Variants in HTR2A observed in about 807,000 individuals in gnomAD.
The protein encoded by HTR2A is 5-hydroxytryptamine receptor 2A.
A neutral mutation model predicts 31.0 loss-of-function variants in HTR2A; 14 were observed. That is an observed-to-expected ratio of 0.45 (90% CI 0.30 to 0.71). HTR2A has a LOEUF of 0.71. Ranked by LOEUF, HTR2A falls within the 30% of genes least tolerant of loss-of-function variation. The pLI, the probability that HTR2A is intolerant of heterozygous loss-of-function variation, is 0.09. For missense variants in HTR2A, 442 were observed against 573.3 expected, an observed-to-expected ratio of 0.77 and a Z score of 2.34; for synonymous variants, 209 against 225.2, an observed-to-expected ratio of 0.93 and a Z score of 0.64.
chr13:46,849,065 C>A (rs948937882), intron 3 of HTR2A, among the ~76,000 whole-genome samples: 8 of 152,246 alleles, frequency 5.3e-5, no homozygotes, highest in Admixed American at 2.6e-4. Context: ...GCATCCCTAA[C>A]CTTACACCGT....
At chr13:46,856,527 T>C (rs1950739075) in intron 3 of HTR2A, among the ~76,000 whole-genome samples, 1 of 151,950 alleles carries the variant, frequency 6.6e-6, no homozygotes, top group Admixed American at 6.6e-5. Flanking sequence ...AAGTCTTGGG[T>C]ATACCTTAAA....
intron 3 of HTR2A, among the ~76,000 whole-genome samples, chr13:46,859,868 C>T (rs1426417270): frequency 6.6e-6 from 1 of 152,178 alleles, no homozygotes; most frequent in Admixed American, 6.5e-5. Flanking sequence ...TGAGTATAGC[C>T]AGTGGCAGCT....
At chr13:46,851,762 C>T (rs763579416) in intron 3 of HTR2A, among the ~76,000 whole-genome samples, 5 of 152,194 alleles carry the variant, frequency 3.3e-5, no homozygotes, top group Non-Finnish European at 7.3e-5. Context: ...TTAGCTCTAG[C>T]CTGCTAAATG....
At position 46,895,730 on chromosome 13, in the gene HTR2A, C is replaced by G. The variant is rs566620377; in HGVS notation, c.177G>C (p.Gly59=). The G allele has an allele frequency of 1.4e-5, 22 of 1,614,110 alleles. No individual in the cohort carries two copies. The highest frequency in any genetic ancestry group is 1.9e-5 in the Non-Finnish European group (22 of 1,180,006). ...SENRTNLSCE[G]CLSPSCLSLL... ...AGGAGAGACACGACGGTGAGAGGCACCCTTCACAGGAAAGGTTGGTTCGAT... is the reference window on the plus strand; with the variant it reads ...AGGAGAGACACGACGGTGAGAGGCAGCCTTCACAGGAAAGGTTGGTTCGAT... The change falls in exon 2 of 4, where the codon GGG becomes GGC. Residue 59 remains glycine (G), a synonymous_variant. Transcript: ENST00000542664. This position sits in a 1 kb window ranked among gnomAD's most constrained non-coding sequence, Gnocchi z 4.4.
Position 46,852,452 on chromosome 13 carries a change from C to T in HTR2A, c.614-16813G>A, listed in dbSNP as rs562848599. Among the ~76,000 whole-genome samples, 25 of 152,352 alleles carry T rather than the reference C, an allele frequency of 1.6e-4. No homozygotes were observed. In the South Asian group the frequency reaches 4.1e-3, roughly 25 times the overall value. Reference sequence around the variant, plus strand: ...ACAGAGTGCTACCCTCTTCCCACTGCGGTAACAGCCTTGCCTTAGCCCCTG... The same window carrying T: ...ACAGAGTGCTACCCTCTTCCCACTGTGGTAACAGCCTTGCCTTAGCCCCTG... On this transcript the variant is annotated intron_variant, in intron 3 of 3. Coordinates refer to ENST00000542664, the MANE Select transcript of HTR2A (RefSeq NM_000621.5).
chr13:46,851,217 C>G (rs1950682604), intron 3 of HTR2A, among the ~76,000 whole-genome samples: 1 of 152,124 alleles, frequency 6.6e-6, no homozygotes, highest in East Asian at 1.9e-4. Context: ...CTTCATAGTT[C>G]TATTTCTTCT....
intron 3 of HTR2A, among the ~76,000 whole-genome samples, chr13:46,872,504 T>A (rs944339694): frequency 3.3e-5 from 5 of 152,216 alleles, no homozygotes; most frequent in Non-Finnish European, 7.3e-5. Context: ...ATCAATTATA[T>A]ACTATTTTAT....
chr13:46,862,383 CTG>C (rs1477428378), intron 3 of HTR2A, among the ~76,000 whole-genome samples: 1 of 152,148 alleles, frequency 6.6e-6, no homozygotes, highest in Non-Finnish European at 1.5e-5. Context: ...AAGGTAAGAA[CTG>C]TGTAACATAT....
intron 3 of HTR2A, among the ~76,000 whole-genome samples, chr13:46,865,289 AG>A (rs1325773423): frequency 6.6e-6 from 1 of 151,610 alleles, no homozygotes; most frequent in Non-Finnish European, 1.5e-5. Context: ...GTCATGTGTC[AG>A]CTAGCTGAGA....
intron 3 of HTR2A, among the ~76,000 whole-genome samples, chr13:46,873,679 G>A (rs1005972695): frequency 2.0e-5 from 3 of 151,860 alleles, no homozygotes; most frequent in African/African-American, 7.3e-5. Flanking sequence ...TCCCACCTAT[G>A]AGTGAGAATA....
chr13:46,843,964 A>G (rs1219656581), intron 3 of HTR2A, among the ~76,000 whole-genome samples: 1 of 152,110 alleles, frequency 6.6e-6, no homozygotes, highest in African/African-American at 2.4e-5. Flanking sequence ...ATTTTTTTCA[A>G]AACGTATCTC....
intron 2 of HTR2A, among the ~76,000 whole-genome samples, chr13:46,894,118 G>C (rs917910942): frequency 5.9e-5 from 9 of 152,222 alleles, no homozygotes; most frequent in Admixed American, 1.3e-4. Flanking sequence ...GATAAGGAGG[G>C]GGCATTTCCT....
At chr13:46,837,495 C>T (rs1950570163) in intron 3 of HTR2A, among the ~76,000 whole-genome samples, 2 of 152,108 alleles carry the variant, frequency 1.3e-5, no homozygotes, top group Non-Finnish European at 2.9e-5. Context: ...TAACTCCTGC[C>T]CATATTATCA....
chr13:46,841,767 C>T (rs1021591547), intron 3 of HTR2A, among the ~76,000 whole-genome samples: 9 of 152,020 alleles, frequency 5.9e-5, no homozygotes, highest in Admixed American at 1.3e-4. Flanking sequence ...CACTGAAAGG[C>T]GAAGAGATTG....
At chr13:46,876,404 A>ATTT (rs1156826300) in intron 3 of HTR2A, among the ~76,000 whole-genome samples, 1 of 71,294 alleles carries the variant, frequency 1.4e-5, no homozygotes, top group Non-Finnish European at 2.6e-5. Context: ...ATATATATAT[A>ATTT]TTTTTTTTTT....
At chr13:46,887,197 A>T (rs983204648) in intron 3 of HTR2A, among the ~76,000 whole-genome samples, 29 of 152,142 alleles carry the variant, frequency 1.9e-4, no homozygotes, top group African/African-American at 5.8e-4. Flanking sequence ...AGGCGGGCGG[A>T]TCATGAGGTC....
In HTR2A at chr13:46,866,899, C is replaced by T. The variant is rs557142145; in HGVS notation, c.613+25491G>A. Among the ~76,000 whole-genome samples, 7 of 152,058 alleles carry T rather than the reference C, an allele frequency of 4.6e-5. No individual in the cohort carries two copies. In the East Asian group the frequency reaches 7.8e-4, roughly 17 times the overall value. ...AAGATTAGCTGGGTGTGGTGGTGGG[C>T]GCCTGTAATCCCAGTTACTTGGGCA... On this transcript the variant is annotated intron_variant, in intron 3 of 3. Coordinates refer to ENST00000542664, the MANE Select transcript of HTR2A (RefSeq NM_000621.5).
At chr13:46,882,657 G>C (rs991485410) in intron 3 of HTR2A, among the ~76,000 whole-genome samples, 5 of 152,080 alleles carry the variant, frequency 3.3e-5, no homozygotes, top group Non-Finnish European at 7.4e-5. Flanking sequence ...TAACAAACTG[G>C]GAATATACAG....
intron 3 of HTR2A, among the ~76,000 whole-genome samples, chr13:46,874,786 G>A (rs1205079638): frequency 1.3e-5 from 2 of 152,236 alleles, no homozygotes; most frequent in Admixed American, 1.3e-4. Flanking sequence ...TGGAGAGTTA[G>A]TGTAGCTGAG....
Sources: allele counts gnomAD v4.1 joint callset (sites outside exome capture counted in the v4.1 genomes callset), GRCh38; gene constraint gnomAD v4.1.1; non-coding constraint Gnocchi (gnomAD v3.1); transcripts MANE v1.5; gene names NCBI Gene and HGNC (gene_info 2026-07-23, HGNC 2026-07-21).